TXLNG: variants seen among roughly 807,000 people sequenced by gnomAD.
The protein encoded by TXLNG is taxilin gamma, also known as gamma-taxilin.
A neutral mutation model predicts 38.8 loss-of-function variants in TXLNG; 5 were observed. That is an observed-to-expected ratio of 0.13 (90% CI 0.07 to 0.27). The LOEUF is 0.27. Ranked by LOEUF, TXLNG falls within the 10% of genes least tolerant of loss-of-function variation. The pLI is 1.00. For synonymous variants in TXLNG, 182 were observed against 158.2 expected, an observed-to-expected ratio of 1.15 and a Z score of -1.13; for missense variants, 393 against 398.2, an observed-to-expected ratio of 0.99 and a Z score of 0.11.
chrX:16,839,988 GC>G lies in TXLNG; in HGVS notation c.1248+74del, dbSNP rs908818724. On this transcript the variant is annotated intron_variant, in intron 9 of 9. Transcript: ENST00000380122. ...TCCTTGAGTTCAGGTACCTATCGGGGCCGGGGACGTGTGCTGTAACACTACT... is the reference window on the plus strand; with the variant it reads ...TCCTTGAGTTCAGGTACCTATCGGGGCGGGGACGTGTGCTGTAACACTACT... 6.1e-6 allele frequency: 5 copies of G among 822,204 alleles called. No homozygotes were observed. In the Admixed American group the frequency reaches 1.5e-4, roughly 25 times the overall value. The allele number at this position is 822,204 out of a possible 1,213,427, so 67.8% of individuals were successfully genotyped here. A position where few individuals can be genotyped will look rare whatever the true frequency, so the allele number is the denominator to read the frequency against.
In TXLNG at chrX:16,842,098, T is replaced by C. The variant is rs1272035357; in HGVS notation, c.*332T>C. On this transcript the variant is annotated 3_prime_UTR_variant, in exon 10 of 10. Coordinates refer to ENST00000380122, the MANE Select transcript of TXLNG (RefSeq NM_018360.3). Reference sequence around the variant, plus strand: ...AGGGCCGACCATTACAAGGGAACTTTGTTCTGACGATGGTTCCTTGATGTG... The same window carrying C: ...AGGGCCGACCATTACAAGGGAACTTCGTTCTGACGATGGTTCCTTGATGTG... 1 of 176,752 alleles carries C rather than the reference T, an allele frequency of 5.7e-6. No individual in the cohort carries two copies. The highest frequency in any genetic ancestry group is 1.2e-4 in the East Asian group (1 of 8,466). 14.6% of individuals were successfully genotyped at this position (176,752 alleles called of 1,213,427 possible).
At chrX:16,815,450 C>G (rs190423844) in intron 1 of TXLNG, among the ~76,000 whole-genome samples, 9 of 112,108 alleles carry the variant, frequency 8.0e-5, no homozygotes, top group African/African-American at 2.9e-4. Flanking sequence ...GCTGGGATTA[C>G]AGGCGTGAGC....
chrX:16,842,698 C>A lies in TXLNG; in HGVS notation c.*932C>A, dbSNP rs760377350. 8.9e-6 allele frequency: 1 copy of A among 112,394 alleles called. No individual in the cohort carries two copies. Among genetic ancestry groups the A allele is most frequent in the African/African-American group, 3.2e-5 (1 of 30,949 alleles). 9.3% of individuals were successfully genotyped at this position (112,394 alleles called of 1,213,427 possible). A position where few individuals can be genotyped will look rare whatever the true frequency, so the allele number is the denominator to read the frequency against. ...ATACCTTCTGGCTACTTGAAAGTTA[C>A]TACAAAAATTCCACCAGCAAAGTAC... On this transcript the variant is annotated 3_prime_UTR_variant, in exon 10 of 10. Transcript: ENST00000380122.
At chrX:16,815,105 G>T (rs1383965564) in intron 1 of TXLNG, among the ~76,000 whole-genome samples, 1 of 111,581 alleles carries the variant, frequency 9.0e-6, no homozygotes. Flanking sequence ...GGGATTGTGT[G>T]GGTTTTATTA....
Position 16,844,446 on chromosome X carries a change from T to C in TXLNG, c.*2680T>C, listed in dbSNP as rs1930013735. On this transcript the variant is annotated 3_prime_UTR_variant, in exon 10 of 10. Coordinates refer to ENST00000380122, the MANE Select transcript of TXLNG (RefSeq NM_018360.3). ...GCTTTTCAAAGACATTTTGTAGAGA[T>C]TTTTCACTAATGTGAATCTGATTTT... 1 of 112,176 alleles carries C rather than the reference T, an allele frequency of 8.9e-6. No individual in the cohort carries two copies. The highest frequency in any genetic ancestry group is 3.2e-5 in the African/African-American group (1 of 30,824). The allele number at this position is 112,176 out of a possible 1,213,427, so 9.2% of individuals were successfully genotyped here.
chrX:16,805,593 A>T lies in TXLNG; in HGVS notation c.103-12981A>T, dbSNP rs150521005. Among the ~76,000 whole-genome samples, 556 of 112,299 alleles carry T rather than the reference A, an allele frequency of 5.0e-3. 4 individuals carry two copies. The highest frequency in any genetic ancestry group is 0.017 in the African/African-American group (538 of 30,920). Reference sequence around the variant, plus strand: ...CCTTTGTTCCCCCATATGGTTTGGGAGATATCATAAATCATTTATTTCCTT... The same window carrying T: ...CCTTTGTTCCCCCATATGGTTTGGGTGATATCATAAATCATTTATTTCCTT... On this transcript the variant is annotated intron_variant, in intron 1 of 9. Transcript: ENST00000380122.
At chrX:16,811,659 T>C (rs1347386814) in intron 1 of TXLNG, among the ~76,000 whole-genome samples, 1 of 109,018 alleles carries the variant, frequency 9.2e-6, no homozygotes. Flanking sequence ...TTTTTTTTTT[T>C]TGAGACGGAG....
chrX:16,839,639 A>T (rs1423044620), intron 8 of TXLNG, among the ~76,000 whole-genome samples, 182 bp from the exon 9 acceptor site: 1 of 111,229 alleles, frequency 9.0e-6, no homozygotes, highest in Non-Finnish European at 1.9e-5. Flanking sequence ...AGCTTCTGAG[A>T]TAAGCTCTGC....
chrX:16,806,157 A>G (rs937044165), intron 1 of TXLNG, among the ~76,000 whole-genome samples: 1 of 112,847 alleles, frequency 8.9e-6, no homozygotes, highest in African/African-American at 3.2e-5. Flanking sequence ...CCACATGACA[A>G]TGTAATTTTT....
rs944036175 is a variant in TXLNG at position 16,840,035 on chromosome X, C to T, written c.1248+119C>T. The T allele has an allele frequency of 9.7e-6, 5 of 516,244 alleles. No homozygotes were observed. In the Admixed American group the frequency reaches 1.5e-4, roughly 16 times the overall value. The allele number at this position is 516,244 out of a possible 1,213,427, so 42.5% of individuals were successfully genotyped here. ...CTACTACCATAGTTGAGGACTCCAG[C>T]CCGCGTTGGGGCGGGGGTGGGGATG... On this transcript the variant is annotated intron_variant, in intron 9 of 9. Transcript: ENST00000380122.
In TXLNG at chrX:16,841,692, C is replaced by G. The variant is rs974293386; in HGVS notation, c.1513C>G (p.Pro505Ala). 8.3e-7 allele frequency: 1 copy of G among 1,210,119 alleles called. No individual in the cohort carries two copies. The highest frequency in any genetic ancestry group is 1.1e-6 in the Non-Finnish European group (1 of 895,293). The change falls in exon 10 of 10, where the codon CCC becomes GCC. Residue 505 changes from proline (P) to alanine (A), a missense_variant. Transcript: ENST00000380122. ...RALGAHLEAE[P>A]KSQRSAVQKP... ...CCTGGGAGCGCACCTGGAGGCTGAG[C>G]CCAAGAGTCAGAGAAGCGCTGTGCA...
intron 1 of TXLNG, among the ~76,000 whole-genome samples, chrX:16,813,805 G>A (rs902931488): frequency 4.5e-5 from 5 of 110,693 alleles, no homozygotes; most frequent in Admixed American, 9.7e-5. Flanking sequence ...AGTCATAATT[G>A]GCCGGGCGCC....
intron 1 of TXLNG, among the ~76,000 whole-genome samples, chrX:16,811,173 A>G (rs778860714): frequency 1.3e-4 from 15 of 111,842 alleles, no homozygotes; most frequent in Non-Finnish European, 2.6e-4. Context: ...AAGAGTTCAG[A>G]GGCAGGAGTG....
chrX:16,828,407 G>C, intron 4 of TXLNG, 143 bp downstream of exon 4: 1 of 573,686 alleles, frequency 1.7e-6, no homozygotes. Flanking sequence ...CTGATGCCTT[G>C]TGTGAGGTCA....
intron 1 of TXLNG, among the ~76,000 whole-genome samples, chrX:16,809,965 T>C (rs1436155551): frequency 8.9e-6 from 1 of 111,912 alleles, no homozygotes; most frequent in Non-Finnish European, 1.9e-5. Context: ...AAGGTAGTTA[T>C]GAAGCAGTAT....
At chrX:16,819,404 A>G (rs899164505) in intron 2 of TXLNG, among the ~76,000 whole-genome samples, 1 of 111,298 alleles carries the variant, frequency 9.0e-6, no homozygotes, top group African/African-American at 3.3e-5. Context: ...AGCAGTCTGT[A>G]TGTCAGAGTT....
At chrX:16,797,595 A>G in intron 1 of TXLNG, among the ~76,000 whole-genome samples, 1 of 112,779 alleles carries the variant, frequency 8.9e-6, no homozygotes, top group East Asian at 2.8e-4. Context: ...GTTTCTTGCC[A>G]CATGGGTCTT....
At chrX:16,806,543 AG>A (rs1487437657) in intron 1 of TXLNG, among the ~76,000 whole-genome samples, 5 of 112,365 alleles carry the variant, frequency 4.4e-5, no homozygotes, top group African/African-American at 1.6e-4. Flanking sequence ...GCACTTTGGG[AG>A]GCTGAGGCGG....
intron 2 of TXLNG, among the ~76,000 whole-genome samples, chrX:16,819,424 T>C (rs1311541362): frequency 9.0e-6 from 1 of 111,247 alleles, no homozygotes; most frequent in African/African-American, 3.3e-5. Flanking sequence ...TATTTTGAGA[T>C]ATATATTTTG....
Sources: gnomAD v4.1 joint callset for allele counts (sites outside exome capture counted in the v4.1 genomes callset) on GRCh38, gnomAD v4.1.1 for gene constraint, MANE v1.5 for transcripts, NCBI Gene and HGNC (gene_info 2026-07-23, HGNC 2026-07-21) for gene names.